Variants in ABCA13 observed in about 807,000 individuals in gnomAD.
The protein encoded by ABCA13 is ATP binding cassette subfamily A member 13.
ABCA13 carries 476 observed loss-of-function variants against 478.7 expected under a neutral mutation model. The observed-to-expected ratio is 0.99, with a 90% CI of 0.92 to 1.07. The LOEUF is 1.07. Among genes scored for constraint, ABCA13 ranks in the 50% least tolerant of loss-of-function variants. The pLI is 0.00. For missense variants in ABCA13, 6,060 were observed against 5,910.6 expected, an observed-to-expected ratio of 1.03 and a Z score of -0.83; for synonymous variants, 2,252 against 2,158.9, an observed-to-expected ratio of 1.04 and a Z score of -1.20.
intron 1 of ABCA13, among the ~76,000 whole-genome samples, chr7:48,174,429 C>T (rs1014608530): frequency 6.6e-6 from 1 of 151,898 alleles, no homozygotes; most frequent in Non-Finnish European, 1.5e-5. Flanking sequence ...AAAAATCTTT[C>T]ATATATTTCA....
intron 58 of ABCA13, among the ~76,000 whole-genome samples, chr7:48,614,119 AAC>A (rs1307395138): frequency 1.3e-4 from 19 of 150,550 alleles, no homozygotes; most frequent in Non-Finnish European, 2.2e-4. Context: ...TTCATATTAT[AAC>A]AGTTTTTCCA....
chr7:48,516,570 G>T (rs1338613186), intron 51 of ABCA13, among the ~76,000 whole-genome samples, 155 bp from the exon 52 acceptor site: 1 of 152,124 alleles, frequency 6.6e-6, no homozygotes, highest in Non-Finnish European at 1.5e-5. Context: ...CCTTATCATA[G>T]GTTGTATGTA....
intron 39 of ABCA13, among the ~76,000 whole-genome samples, chr7:48,406,441 C>A (rs570229531): frequency 6.6e-6 from 1 of 152,134 alleles, no homozygotes; most frequent in Non-Finnish European, 1.5e-5. Context: ...ACCATGTGTG[C>A]GCTCAATCAA....
At chr7:48,395,168 G>A (rs1816668386) in intron 38 of ABCA13, among the ~76,000 whole-genome samples, 1 of 152,206 alleles carries the variant, frequency 6.6e-6, no homozygotes, top group African/African-American at 2.4e-5. Flanking sequence ...ATGGGCATGA[G>A]GCCTCTGGAG....
chr7:48,219,230 A>T (rs893656409), intron 3 of ABCA13, 124 bp from the exon 4 acceptor site: 93 of 940,016 alleles, frequency 9.9e-5, no homozygotes, highest in Non-Finnish European at 1.2e-4. Context: ...CTCAGGGTAG[A>T]TGATGAGAGT....
At chr7:48,182,728 G>C (rs571868189) in intron 1 of ABCA13, among the ~76,000 whole-genome samples, 30 of 152,318 alleles carry the variant, frequency 2.0e-4, no homozygotes, top group African/African-American at 7.0e-4. Context: ...TAACTAAAAG[G>C]TTTGCAAAAA....
intron 58 of ABCA13, among the ~76,000 whole-genome samples, chr7:48,614,726 T>A (rs373391089): frequency 1.3e-5 from 2 of 150,394 alleles, no homozygotes; most frequent in South Asian, 4.3e-4. Flanking sequence ...TGAGTTCATG[T>A]CCTTTGTAGG....
In ABCA13 at chr7:48,272,272, C is replaced by T; in HGVS notation, c.2606C>T (p.Thr869Ile). 6.2e-7 allele frequency: 1 copy of T among 1,613,558 alleles called. No homozygotes were observed. The highest frequency in any genetic ancestry group is 1.7e-4 in the Middle Eastern group (1 of 6,056). The change falls in exon 17 of 62, where the codon ACA becomes ATA. Residue 869 changes from threonine (T) to isoleucine (I), a missense_variant. Coordinates refer to ENST00000435803, the MANE Select transcript of ABCA13 (RefSeq NM_152701.5). ...GTTCCAGAAAATGAGATTCTGAGTA[C>T]AAGTTTTAACTTTTCCCAGTTGTTC... ...FSVPENEILS[T>I]SFNFSQLFHS...
chr7:48,417,445 A>G (rs1219615869), intron 41 of ABCA13, among the ~76,000 whole-genome samples: 1 of 152,208 alleles, frequency 6.6e-6, no homozygotes, highest in Non-Finnish European at 1.5e-5. Flanking sequence ...ACTTGCATTT[A>G]TGTTTCATCA....
In ABCA13 at chr7:48,410,616, G is replaced by A. The variant is rs1254307605; in HGVS notation, c.12167G>A (p.Gly4056Asp). Residue 4056 changes from glycine (G) to aspartate (D), a missense_variant, in exon 40 of 62, where the codon GGT becomes GAT. Physicochemically the swap from Gly to Asp is moderately conservative, Grantham distance 94. Coordinates refer to ENST00000435803, the MANE Select transcript of ABCA13 (RefSeq NM_152701.5). Reference sequence around the variant, plus strand: ...CAGCATGGGAGGCTCAGGTGCTGCGGTCCTCCCTTCTGCCTGAAGGAGGCA... The same window carrying A: ...CAGCATGGGAGGCTCAGGTGCTGCGATCCTCCCTTCTGCCTGAAGGAGGCA... ...VLQHGRLRCC[G>D]PPFCLKEAYG... 3.7e-6 allele frequency: 6 copies of A among 1,614,062 alleles called. No individual in the cohort carries two copies. The highest frequency in any genetic ancestry group is 5.1e-6 in the Non-Finnish European group (6 of 1,179,896).
chr7:48,296,714 G>A (rs557202934), intron 21 of ABCA13, among the ~76,000 whole-genome samples: 43 of 152,044 alleles, frequency 2.8e-4, no homozygotes, highest in Non-Finnish European at 5.4e-4. Context: ...CGCCCCCTTC[G>A]GCCTCCCAAA....
At chr7:48,429,889 T>A (rs1821909777) in intron 42 of ABCA13, among the ~76,000 whole-genome samples, 1 of 152,310 alleles carries the variant, frequency 6.6e-6, no homozygotes, top group South Asian at 2.1e-4. Flanking sequence ...CAACATTGCA[T>A]TCCTGGGACA....
rs1311950372 is a variant in ABCA13 at position 48,354,336 on chromosome 7, G to A, written c.10688+1849G>A. Among the ~76,000 whole-genome samples the A allele has an allele frequency of 2.0e-5, 3 of 151,908 alleles. 1 individual carries two copies. The highest frequency in any genetic ancestry group is 7.3e-5 in the African/African-American group (3 of 41,212). ...GTTTACTTTGTCCACTCTGACATAG[G>A]ATATTTCCCAAGAAGGCACGATGGG... On this transcript the variant is annotated intron_variant, in intron 31 of 61. Coordinates refer to ENST00000435803, the MANE Select transcript of ABCA13 (RefSeq NM_152701.5).
chr7:48,607,571 A>T lies in ABCA13; in HGVS notation c.14745-7714A>T, dbSNP rs911964722. ...TGATGTTTATAATAGCTGCATTTAA[A>T]TTTTTTCTTCTAAATCTAGCATCTG... On this transcript the variant is annotated intron_variant, in intron 58 of 61. Transcript: ENST00000435803. 5.9e-5 allele frequency among the ~76,000 whole-genome samples: 9 copies of T among 152,150 alleles called. No individual in the cohort carries two copies. The South Asian group carries it at 1.9e-3, about 32-fold the overall frequency.
rs371682152 is a variant in ABCA13 at position 48,391,998 on chromosome 7, C to T, written c.11732C>T (p.Ser3911Leu). ...GGCAAGAACCTACAGACAGACCTGTCGAGGGTCAGAATGGAGCTTGGTGTG... is the reference window on the plus strand; with the variant it reads ...GGCAAGAACCTACAGACAGACCTGTTGAGGGTCAGAATGGAGCTTGGTGTG... ...INGKNLQTDL[S>L]RVRMELGVCP... The change falls in exon 38 of 62, where the codon TCG (serine) becomes TTG (leucine). Residue 3911 changes from serine to leucine, a missense_variant. By Grantham distance (145) the Ser-to-Leu change is moderately radical. Transcript: ENST00000435803. 2.5e-4 allele frequency: 408 copies of T among 1,613,966 alleles called. 4 individuals are homozygous for T. In the South Asian group the frequency reaches 4.1e-3, roughly 16 times the overall value.
In ABCA13 at chr7:48,275,178, A is replaced by G. The variant is rs772212794; in HGVS notation, c.5512A>G (p.Ile1838Val). 53 of 1,613,852 alleles carry G rather than the reference A, an allele frequency of 3.3e-5. No homozygotes were observed. The highest frequency in any genetic ancestry group is 3.6e-5 in the Non-Finnish European group (43 of 1,179,880). The change falls in exon 17 of 62, where the codon ATA becomes GTA. Residue 1838 changes from isoleucine to valine, a missense_variant. Physicochemically the swap from Ile to Val is conservative, Grantham distance 29. Transcript: ENST00000435803. Reference protein sequence around the residue: ...TNSGFRQNSKIDPCNVHGLMS... With the variant: ...TNSGFRQNSKVDPCNVHGLMS... ...TTCTGGATTTCGGCAGAATTCAAAGATAGACCCCTGCAATGTCCATGGGCT... is the reference window on the plus strand; with the variant it reads ...TTCTGGATTTCGGCAGAATTCAAAGGTAGACCCCTGCAATGTCCATGGGCT...
In ABCA13 at chr7:48,410,667, T is replaced by C. The variant is rs2129090564; in HGVS notation, c.12218T>C (p.Leu4073Pro). Residue 4073 changes from leucine (L) to proline (P), a missense_variant, in exon 40 of 62, where the codon CTC (leucine) becomes CCC (proline). This residue lies in a region of ABCA13 where 1,627 missense variants were observed against 1,571.0 expected (regional missense o/e 1.04). Coordinates refer to ENST00000435803, the MANE Select transcript of ABCA13 (RefSeq NM_152701.5). ...TATGGCCAGGGGCTCCGCCTGACAC[T>C]CACGAGGCAGGTAAGGAGTGCAACC... ...EAYGQGLRLT[L>P]TRQPSVLEAH... 6.2e-7 allele frequency: 1 copy of C among 1,613,012 alleles called. No homozygotes were observed. Among genetic ancestry groups the C allele is most frequent in the African/African-American group, 1.3e-5 (1 of 75,060 alleles).
At position 48,615,353 on chromosome 7, in the gene ABCA13, G is replaced by C. The variant is rs1289232142; in HGVS notation, c.14813G>C (p.Gly4938Ala). 21 of 1,572,256 alleles carry C rather than the reference G, an allele frequency of 1.3e-5. No individual in the cohort carries two copies. In the East Asian group the frequency reaches 4.6e-4, roughly 35 times the overall value. Residue 4938 changes from glycine (G) to alanine (A), a missense_variant, in exon 59 of 62, where the codon GGT becomes GCT. By Grantham distance (60) the Gly-to-Ala change is moderately conservative. Coordinates refer to ENST00000435803, the MANE Select transcript of ABCA13 (RefSeq NM_152701.5). ...IMVNGSFKCL[G>A]SPQHIKNRFG... ...GTTAACGGCAGCTTCAAATGTCTTG[G>C]TTCTCCTCAGCACATCAAAAATAGG...
Position 48,273,072 on chromosome 7 carries a change from A to C in ABCA13, c.3406A>C (p.Ser1136Arg), listed in dbSNP as rs1584549085. 1.2e-6 allele frequency: 2 copies of C among 1,613,662 alleles called. No homozygotes were observed. The highest frequency in any genetic ancestry group is 8.5e-7 in the Non-Finnish European group (1 of 1,179,746). Reference protein sequence around the residue: ...QIFSNLSANVSVFNKFMSIHC... With the variant: ...QIFSNLSANVRVFNKFMSIHC... ...TTTTTCAAACCTCTCAGCAAATGTC[A>C]GTGTGTTCAACAAGTTTATGTCCAT... The change falls in exon 17 of 62, where the codon AGT becomes CGT. Residue 1136 changes from serine to arginine, a missense_variant. Physicochemically the swap from Ser to Arg is moderately radical, Grantham distance 110. Around this residue, in one of 3 missense-constraint regions of ABCA13, gnomAD observed 4,423 missense variants for 4,309.1 expected, o/e 1.03. Transcript: ENST00000435803.
Sources: gnomAD v4.1 joint callset for allele counts (sites outside exome capture counted in the v4.1 genomes callset) on GRCh38, gnomAD v4.1.1 for gene constraint, gnomAD v4.1.1 regional missense constraint, MANE v1.5 for transcripts, NCBI Gene and HGNC (gene_info 2026-07-23, HGNC 2026-07-21) for gene names.